EIF4E2: variants seen among roughly 807,000 people sequenced by gnomAD.
The protein encoded by EIF4E2 is eukaryotic translation initiation factor 4E type 2.
Under a neutral mutation model 34.2 loss-of-function variants are expected in EIF4E2, and 13 were observed. The observed-to-expected ratio is 0.38, with a 90% CI of 0.25 to 0.60. The LOEUF (loss-of-function observed/expected upper bound fraction) is 0.60. EIF4E2 is among the 20% of genes least tolerant of loss of function. EIF4E2 has a pLI of 0.62. For missense variants in EIF4E2, 222 were observed against 315.1 expected (o/e 0.70, Z 2.24); for synonymous variants, 100 against 106.6 (o/e 0.94, Z 0.38).
intron 2 of EIF4E2, chr2:232,557,440 C>G: frequency 6.1e-6 from 1 of 164,680 alleles, no homozygotes. Context: ...CTGTGCCAGG[C>G]ACTGTGCTCA....
Position 232,581,234 on chromosome 2 carries a change from C to T in EIF4E2, c.*291C>T. The T allele has an allele frequency of 2.0e-6, 1 of 508,658 alleles. No homozygotes were observed. The highest frequency in any genetic ancestry group is 3.7e-6 in the Non-Finnish European group (1 of 271,846). 31.5% of individuals were successfully genotyped at this position (508,658 alleles called of 1,614,324 possible). A position where few individuals can be genotyped will look rare whatever the true frequency, so the allele number is the denominator to read the frequency against. On this transcript the variant is annotated 3_prime_UTR_variant, in exon 7 of 7. Coordinates refer to the EIF4E2 transcript ENST00000409098. The surrounding 1 kb of genome is among the most constrained non-coding windows in gnomAD (Gnocchi z 5.2). ...CTGTTTGCTGTGTGCTGTCCAGATGCCTCTTGGGCGTCCTGTTGTTCTCTT... is the reference window on the plus strand; with the variant it reads ...CTGTTTGCTGTGTGCTGTCCAGATGTCTCTTGGGCGTCCTGTTGTTCTCTT...
chr2:232,571,003 T>G (rs953070218), downstream of EIF4E2, among the ~76,000 whole-genome samples: 1 of 152,232 alleles, frequency 6.6e-6, no homozygotes, highest in Admixed American at 6.5e-5. Context: ...CTCCGAGTAC[T>G]CTGGAGATAG....
Position 232,576,433 on chromosome 2 carries a change from C to A in EIF4E2, c.666-4471C>A, listed in dbSNP as rs551337337. Reference sequence around the variant, plus strand: ...AGATTTAATCCCCTAGGAAAAATATCTTTGAATTGCCGTAAAAAGTCATAT... The same window carrying A: ...AGATTTAATCCCCTAGGAAAAATATATTTGAATTGCCGTAAAAAGTCATAT... On this transcript the variant is annotated intron_variant, in intron 6 of 6. Coordinates refer to the EIF4E2 transcript ENST00000409098. Among the ~76,000 whole-genome samples, 16 of 152,214 alleles carry A rather than the reference C, an allele frequency of 1.1e-4. 1 individual carries two copies. The East Asian group carries it at 3.1e-3, about 29-fold the overall frequency.
intron 3 of EIF4E2, among the ~76,000 whole-genome samples, chr2:232,562,861 A>C (rs1446724220): frequency 2.0e-5 from 3 of 152,248 alleles, no homozygotes; most frequent in Admixed American, 1.3e-4. Flanking sequence ...GAGTCACTAC[A>C]TGCAGCTAAG....
At chr2:232,574,155 G>A (rs568210764), downstream of EIF4E2, 79 of 1,153,782 alleles carry the variant, frequency 6.8e-5, no homozygotes, top group African/African-American at 1.4e-4. Context: ...GGCTCCACTC[G>A]GCTTGGAGGG....
chr2:232,568,251 C>T (rs1041621544), intron 6 of EIF4E2: 3 of 985,268 alleles, frequency 3.0e-6, no homozygotes, highest in Non-Finnish European at 2.4e-6. Context: ...TTGGGAATCT[C>T]TTTCCCATGC....
Position 232,581,700 on chromosome 2 carries a change from G to A in EIF4E2, c.*757G>A, listed in dbSNP as rs1693363539. On this transcript the variant is annotated 3_prime_UTR_variant, in exon 7 of 7. Coordinates refer to the EIF4E2 transcript ENST00000409098. This position sits in a 1 kb window ranked among gnomAD's most constrained non-coding sequence, Gnocchi z 5.2. ...AGCTAGATTATAATCTAGGTTCCAA[G>A]TACAGAATTTGGAGCTAAGGACTGT... 1 of 154,300 alleles carries A rather than the reference G, an allele frequency of 6.5e-6. No individual in the cohort carries two copies. The highest frequency in any genetic ancestry group is 2.0e-4 in the South Asian group (1 of 4,944). The allele number at this position is 154,300 out of a possible 1,614,324, so 9.6% of individuals were successfully genotyped here. A position where few individuals can be genotyped will look rare whatever the true frequency, so the allele number is the denominator to read the frequency against.
At chr2:232,557,370 T>C (rs1376267646) in intron 2 of EIF4E2, among the ~76,000 whole-genome samples, 3 of 152,250 alleles carry the variant, frequency 2.0e-5, no homozygotes, top group Non-Finnish European at 4.4e-5. Context: ...AATGAGACTG[T>C]GGAAGGGGCT....
downstream of EIF4E2, among the ~76,000 whole-genome samples, chr2:232,570,506 G>A (rs569397788): frequency 6.6e-6 from 1 of 152,314 alleles, no homozygotes; most frequent in Non-Finnish European, 1.5e-5. Context: ...GAGTTGATTA[G>A]AAGCACCAAA....
At chr2:232,582,738 T>A (rs1330729082) in exon 7 of EIF4E2, 1 of 152,244 alleles carries the variant, frequency 6.6e-6, no homozygotes, top group Non-Finnish European at 1.5e-5. Flanking sequence ...AGTGTGTATG[T>A]GTAGAGTGTG....
intron 3 of EIF4E2, among the ~76,000 whole-genome samples, chr2:232,561,226 G>A (rs1303049338): frequency 6.6e-6 from 1 of 152,016 alleles, no homozygotes; most frequent in African/African-American, 2.4e-5. Flanking sequence ...TTGAAGCCAG[G>A]AGTTCAAAAC....
downstream of EIF4E2, chr2:232,574,013 C>G (rs1371446869): frequency 1.2e-5 from 8 of 678,266 alleles, no homozygotes; most frequent in Non-Finnish European, 2.2e-5. Flanking sequence ...GGTGCAAATC[C>G]TTGAGGGAAC....
intron 3 of EIF4E2, among the ~76,000 whole-genome samples, chr2:232,563,335 T>G (rs924348082): frequency 3.3e-5 from 5 of 151,862 alleles, no homozygotes; most frequent in Admixed American, 6.6e-5. Context: ...ACACCAGGAG[T>G]TAGAGGCTGT....
chr2:232,580,977 T>A, exon 7 of EIF4E2: 1 of 1,545,734 alleles, frequency 6.5e-7, no homozygotes, highest in Non-Finnish European at 8.8e-7. Flanking sequence ...CTTTTCTGTA[T>A]GTGTGTGTTT....
intron 1 of EIF4E2, among the ~76,000 whole-genome samples, chr2:232,555,627 G>T (rs1373065295): frequency 6.6e-6 from 1 of 152,176 alleles, no homozygotes; most frequent in Non-Finnish European, 1.5e-5. Flanking sequence ...GATGAAATAA[G>T]ACACTGCTCT....
intron 3 of EIF4E2, chr2:232,558,669 T>A (rs1692609428): frequency 6.6e-6 from 1 of 151,982 alleles, no homozygotes; most frequent in African/African-American, 2.4e-5. Context: ...GTTCAAAGTG[T>A]CATGGATACA....
rs1692529357 is a variant in EIF4E2, at chr2:232,556,510, CAG to C, written c.118_119del (p.Ser40GlnfsTer2). On this transcript the variant is annotated frameshift_variant, in exon 2 of 7. Transcript: ENST00000258416. LOFTEE classifies it high-confidence loss of function. Reference sequence around the variant, plus strand: ...GGAAAAAACGGAACGAGACAAGAATCAGAGCAGTAGCAAGAGAAAGGTGAGTG... The same window carrying C: ...GGAAAAAACGGAACGAGACAAGAATCAGCAGTAGCAAGAGAAAGGTGAGTG... ...EKEKTERDKN[Q>X]SSSKRKAVVP... 6.2e-7 allele frequency: 1 copy of C among 1,612,486 alleles called. No individual in the cohort carries two copies.
intron 3 of EIF4E2, among the ~76,000 whole-genome samples, chr2:232,559,233 A>G (rs114805603): frequency 1.4e-5 from 2 of 138,712 alleles, no homozygotes; most frequent in Non-Finnish European, 3.1e-5. Flanking sequence ...AAAAAAAAAA[A>G]GAATGATTCA....
At chr2:232,572,931 T>C (rs1693127523), downstream of EIF4E2, among the ~76,000 whole-genome samples, 2 of 152,240 alleles carry the variant, frequency 1.3e-5, no homozygotes, top group Non-Finnish European at 2.9e-5. Flanking sequence ...AAAAGGAATT[T>C]AAATCTCAGC....
Sources: gnomAD v4.1 joint callset for allele counts (sites outside exome capture counted in the v4.1 genomes callset) on GRCh38, gnomAD v4.1.1 for gene constraint, Gnocchi (gnomAD v3.1) non-coding constraint, MANE v1.5 for transcripts, NCBI Gene and HGNC (gene_info 2026-07-23, HGNC 2026-07-21) for gene names.